The following SEMA6D variants were observed in gnomAD, a reference collection of about 807,000 sequenced individuals.
The protein encoded by SEMA6D is semaphorin-6D.
SEMA6D carries 35 observed loss-of-function variants against 106.6 expected under a neutral mutation model. The observed-to-expected ratio is 0.33, with a 90% confidence interval of 0.25 to 0.44. The LOEUF is 0.44. Ranked by LOEUF, SEMA6D falls within the 20% of genes least tolerant of loss-of-function variation. The pLI, the probability that SEMA6D is intolerant of heterozygous loss-of-function variation, is 1.00. For synonymous variants in SEMA6D, 499 were observed against 487.7 expected (o/e 1.02, Z -0.31); for missense variants, 1,185 against 1,345.9 (o/e 0.88, Z 1.87).
intron 1 of SEMA6D, among the ~76,000 whole-genome samples, chr15:47,332,709 C>T (rs1008338762): frequency 5.3e-5 from 8 of 152,204 alleles, no homozygotes; most frequent in South Asian, 2.1e-4. Flanking sequence ...CATGCCTGGC[C>T]GTGATCTTAA....
At chr15:47,707,129 T>C (rs1377385163) in intron 4 of SEMA6D, among the ~76,000 whole-genome samples, 1 of 152,232 alleles carries the variant, frequency 6.6e-6, no homozygotes, top group East Asian at 1.9e-4. Context: ...ATCCACTCTC[T>C]TTTATGTTTC....
intron 3 of SEMA6D, among the ~76,000 whole-genome samples, chr15:47,546,406 T>C (rs2045523266): frequency 1.3e-5 from 2 of 152,270 alleles, no homozygotes; most frequent in Admixed American, 1.3e-4. Context: ...GAGTTTCTTT[T>C]CACTGCTTTA....
chr15:47,339,642 C>T (rs1311260644), intron 1 of SEMA6D, among the ~76,000 whole-genome samples: 1 of 152,076 alleles, frequency 6.6e-6, no homozygotes, highest in Non-Finnish European at 1.5e-5. Context: ...GCAAGGCAGT[C>T]CAGCCCAGGA....
chr15:47,495,208 T>C (rs1269642895), intron 3 of SEMA6D, among the ~76,000 whole-genome samples: 1 of 151,962 alleles, frequency 6.6e-6, no homozygotes, highest in Non-Finnish European at 1.5e-5. Flanking sequence ...TAAATAATAA[T>C]TTGTGCAACT....
intron 4 of SEMA6D, among the ~76,000 whole-genome samples, chr15:47,668,974 C>G (rs1172049008): frequency 1.3e-5 from 2 of 152,178 alleles, no homozygotes; most frequent in East Asian, 1.9e-4. Context: ...ATTCAAACTT[C>G]TAGAAAAGTT....
chr15:47,237,575 G>A (rs1009904265), intron 1 of SEMA6D, among the ~76,000 whole-genome samples: 1 of 151,900 alleles, frequency 6.6e-6, no homozygotes, highest in African/African-American at 2.4e-5. Flanking sequence ...GCTTGAATTG[G>A]CTTGGTAGTC....
In SEMA6D at chr15:47,407,405, ACAAC is replaced by A. The variant is rs1334962591; in HGVS notation, c.-238-4987_-238-4984del. On this transcript the variant is annotated intron_variant, in intron 1 of 19. Transcript: ENST00000558014. The stretch of plus-strand genomic sequence containing the variant: ...AAAAAAAACCAAAACAACAACAACA[ACAAC>A]AAAAAAAACAAAAAAAACAAACAAA... Among the ~76,000 whole-genome samples, 113 of 135,174 alleles carry A rather than the reference ACAAC, an allele frequency of 8.4e-4. 3 individuals carry two copies. The highest frequency in any genetic ancestry group is 4.0e-3 in the South Asian group (17 of 4,198). 88.7% of individuals were successfully genotyped at this position (135,174 alleles called of 152,430 possible).
chr15:47,414,124 C>T (rs1748741516), intron 2 of SEMA6D, among the ~76,000 whole-genome samples: 1 of 151,984 alleles, frequency 6.6e-6, no homozygotes, highest in Non-Finnish European at 1.5e-5. Context: ...TAAACTGATA[C>T]CTGGAAGTGA....
intron 1 of SEMA6D, among the ~76,000 whole-genome samples, chr15:47,404,204 A>G (rs1170111007): frequency 6.6e-6 from 1 of 152,214 alleles, no homozygotes. Context: ...TACCCTAGCA[A>G]GGAGAACCTC....
At chr15:47,564,801 A>G (rs186232133) in intron 3 of SEMA6D, among the ~76,000 whole-genome samples, 1 of 152,238 alleles carries the variant, frequency 6.6e-6, no homozygotes, top group East Asian at 1.9e-4. Flanking sequence ...GCCCTACCCC[A>G]TCCTGTGCCT....
intron 1 of SEMA6D, among the ~76,000 whole-genome samples, chr15:47,363,526 C>T (rs779425267): frequency 6.6e-6 from 1 of 152,088 alleles, no homozygotes; most frequent in African/African-American, 2.4e-5. Flanking sequence ...TGAAGCTGTC[C>T]CTGTTCTCAA....
chr15:47,718,268 G>T (rs1257782963), intron 1 of SEMA6D, among the ~76,000 whole-genome samples: 1 of 152,164 alleles, frequency 6.6e-6, no homozygotes, highest in Non-Finnish European at 1.5e-5. Context: ...GGACGCCCGG[G>T]GTCTGGCAGC....
intron 1 of SEMA6D, among the ~76,000 whole-genome samples, chr15:47,330,971 A>G (rs868810504): frequency 2.6e-5 from 4 of 152,298 alleles, no homozygotes; most frequent in Middle Eastern, 3.4e-3. Flanking sequence ...CTCCTCCTCC[A>G]TTTGACACAG....
chr15:47,427,728 C>CT (rs2041386884), intron 2 of SEMA6D, among the ~76,000 whole-genome samples: 1 of 152,046 alleles, frequency 6.6e-6, no homozygotes, highest in South Asian at 2.1e-4. Flanking sequence ...AGAGATAGTG[C>CT]TTTTATAAGC....
intron 4 of SEMA6D, among the ~76,000 whole-genome samples, chr15:47,644,678 C>A (rs80332171): frequency 0.018 from 2,668 of 152,318 alleles, 82 homozygotes; most frequent in African/African-American, 0.061. Flanking sequence ...CACCAAATGC[C>A]AGCACCTTGA....
At chr15:47,348,473 T>G (rs959266348) in intron 1 of SEMA6D, among the ~76,000 whole-genome samples, 1 of 152,022 alleles carries the variant, frequency 6.6e-6, no homozygotes, top group Non-Finnish European at 1.5e-5. Flanking sequence ...GCATGCCTAA[T>G]CCAAAAATTT....
At chr15:47,604,148 G>C (rs1163477624) in intron 4 of SEMA6D, 1 of 152,100 alleles carries the variant, frequency 6.6e-6, no homozygotes, top group African/African-American at 2.4e-5. Flanking sequence ...TGGAGAGGAG[G>C]GAGTCTCATA....
At chr15:47,455,908 T>C (rs1012232329) in intron 2 of SEMA6D, among the ~76,000 whole-genome samples, 1 of 151,898 alleles carries the variant, frequency 6.6e-6, no homozygotes, top group African/African-American at 2.4e-5. Context: ...GAAAACACTT[T>C]ATTGATTTTT....
chr15:47,696,408 C>T (rs2078699493), intron 4 of SEMA6D, among the ~76,000 whole-genome samples: 1 of 152,152 alleles, frequency 6.6e-6, no homozygotes, highest in African/African-American at 2.4e-5. Flanking sequence ...GAACAACACA[C>T]TTTAGACATT....
Sources: allele counts gnomAD v4.1 joint callset (sites outside exome capture counted in the v4.1 genomes callset), GRCh38; gene constraint gnomAD v4.1.1; transcripts MANE v1.5; gene names NCBI Gene and HGNC (gene_info 2026-07-23, HGNC 2026-07-21).